Variants in HMSD observed in about 807,000 individuals in gnomAD.
HMSD encodes the protein histocompatibility minor serpin domain containing.
In HMSD, 13 loss-of-function variants were observed where a neutral mutation model predicts 10.0. That is an observed-to-expected ratio of 1.31 (90% CI 0.85 to 2.08). The LOEUF (loss-of-function observed/expected upper bound fraction) is 2.08, where lower values mean the gene tolerates loss of function less well. Among genes scored for constraint, HMSD ranks in the 30% most tolerant of loss-of-function variants. HMSD has a pLI of 0.00. For synonymous variants in HMSD, 51 were observed against 54.2 expected (o/e 0.94, Z 0.26); for missense variants, 169 against 166.3 (o/e 1.02, Z -0.09).
chr18:63,964,089 C>T (rs760395937), downstream of HMSD, among the ~76,000 whole-genome samples: 1 of 152,240 alleles, frequency 6.6e-6, no homozygotes, highest in Non-Finnish European at 1.5e-5. Context: ...TATGGCTTCT[C>T]GTAAGCCAGC....
rs74993098 is a variant in HMSD at position 63,961,121 on chromosome 18, A to G, written c.*766A>G. On this transcript the variant is annotated 3_prime_UTR_variant, in exon 4 of 4. Transcript: ENST00000408945. ...CACACCTCTTTGCACTGCCTTGTGG[A>G]TAGTCCAGTCAAGTGGAGTAAGAGG... The G allele has an allele frequency of 6.9e-3, 1,045 of 152,200 alleles. 32 individuals carry two copies. Among genetic ancestry groups the G allele is most frequent in the Admixed American group, 0.054 (825 of 15,288 alleles). 9.4% of individuals were successfully genotyped at this position (152,200 alleles called of 1,614,324 possible). A position where few individuals can be genotyped will look rare whatever the true frequency, so the allele number is the denominator to read the frequency against.
At chr18:63,964,535 G>C (rs1429955566), downstream of HMSD, among the ~76,000 whole-genome samples, 1 of 152,034 alleles carries the variant, frequency 6.6e-6, no homozygotes, top group Non-Finnish European at 1.5e-5. Flanking sequence ...GTGAGACACT[G>C]ATTCAAAAAA....
downstream of HMSD, among the ~76,000 whole-genome samples, chr18:63,963,083 T>TTC (rs2050394200): frequency 4.5e-3 from 215 of 47,916 alleles, 1 homozygote; most frequent in African/African-American, 0.026. Flanking sequence ...CTTTCTTTCT[T>TTC]TCTTTCTTTC....
chr18:63,964,765 C>T (rs2144766987), downstream of HMSD, among the ~76,000 whole-genome samples: 1 of 152,240 alleles, frequency 6.6e-6, no homozygotes, highest in South Asian at 2.1e-4. Context: ...GAGGGCCCAA[C>T]CCTCCTGACT....
At position 63,954,504 on chromosome 18, in the gene HMSD, GTGCTTAGAAC is replaced by G. The variant is rs1472822001; in HGVS notation, c.173_182del (p.Leu58ProfsTer28). On this transcript the variant is annotated frameshift_variant, in exon 3 of 4. Coordinates refer to ENST00000408945, the MANE Select transcript of HMSD (RefSeq NM_001123366.2). LOFTEE classifies it high-confidence loss of function. The stretch of plus-strand genomic sequence containing the variant: ...AATTAACAGAACTGACACTGAATAT[GTGCTTAGAAC>G]TGCCAACGGGCTCTTTGGAGAAAAG... 6.2e-7 allele frequency: 1 copy of G among 1,613,806 alleles called. No individual in the cohort carries two copies. Among genetic ancestry groups the G allele is most frequent in the Admixed American group, 1.7e-5 (1 of 60,030 alleles).
rs148392781 is a variant in HMSD, at chr18:63,959,135, G to A, written c.223-1023G>A. On this transcript the variant is annotated intron_variant, in intron 3 of 3. Coordinates refer to ENST00000408945, the MANE Select transcript of HMSD (RefSeq NM_001123366.2). ...CAGCTTTCTTGTTTCTACCTTGGCC[G>A]GTTAGGAATAAAGCTGTTATGAATA... Among the ~76,000 whole-genome samples the A allele has an allele frequency of 3.7e-3, 566 of 152,220 alleles. 2 individuals carry two copies. The highest frequency in any genetic ancestry group is 0.013 in the African/African-American group (528 of 41,550).
In HMSD at chr18:63,961,013, CAT is replaced by C. The variant is rs1483260807; in HGVS notation, c.*661_*662del. ...TCTGAAAGGTGGGGAATAATCAGCCCATATGATTCTTCCACTGCAGAGAGAGC... is the reference window on the plus strand; with the variant it reads ...TCTGAAAGGTGGGGAATAATCAGCCCATGATTCTTCCACTGCAGAGAGAGC... On this transcript the variant is annotated 3_prime_UTR_variant, in exon 4 of 4. Transcript: ENST00000408945. The C allele has an allele frequency of 6.6e-6, 1 of 152,354 alleles. No homozygotes were observed. The highest frequency in any genetic ancestry group is 2.4e-5 in the African/African-American group (1 of 41,438). 9.4% of individuals were successfully genotyped at this position (152,354 alleles called of 1,614,324 possible).
chr18:63,958,932 T>C (rs1345550207), intron 3 of HMSD, among the ~76,000 whole-genome samples: 1 of 152,086 alleles, frequency 6.6e-6, no homozygotes, highest in African/African-American at 2.4e-5. Flanking sequence ...GCTGTGTTAA[T>C]CCTCACTCAA....
rs1384875525 is a variant in HMSD at position 63,960,196 on chromosome 18, G to A, written c.261G>A (p.Thr87=). ...CCTGTGGCAAATTCTACCAAGCAAC[G>A]ATAAAACAGCTAGACTTTGTGAATG... ...TDSCGKFYQA[T]IKQLDFVNDT... is the part of the protein sequence containing the mutation. The change falls in exon 4 of 4, where the codon ACG becomes ACA. Residue 87 remains threonine (T), a synonymous_variant. Coordinates refer to ENST00000408945, the MANE Select transcript of HMSD (RefSeq NM_001123366.2). The A allele has an allele frequency of 1.1e-5, 18 of 1,612,518 alleles. No homozygotes were observed. Among genetic ancestry groups the A allele is most frequent in the Admixed American group, 1.7e-5 (1 of 59,750 alleles).
Position 63,960,442 on chromosome 18 carries a change from C to T in HMSD, c.*87C>T, listed in dbSNP as rs1017379946. ...GCCAACTCGTAGACCTTTTCTCTAG[C>T]TTTAGCTTTTCCCTTATCAAGTATC... On this transcript the variant is annotated 3_prime_UTR_variant, in exon 4 of 4. Transcript: ENST00000408945. 3.4e-6 allele frequency: 5 copies of T among 1,473,778 alleles called. No homozygotes were observed. The highest frequency in any genetic ancestry group is 2.5e-5 in the East Asian group (1 of 39,404). The allele number at this position is 1,473,778 out of a possible 1,614,324, so 91.3% of individuals were successfully genotyped here. A position where few individuals can be genotyped will look rare whatever the true frequency, so the allele number is the denominator to read the frequency against.
chr18:63,962,964 C>T (rs1215771526), downstream of HMSD, among the ~76,000 whole-genome samples: 2 of 152,074 alleles, frequency 1.3e-5, no homozygotes, highest in African/African-American at 4.8e-5. Flanking sequence ...CCATGCACAC[C>T]TGATTGGCGT....
At chr18:63,967,594 T>C (rs974754606) in intron 3 of HMSD, among the ~76,000 whole-genome samples, 8 of 152,122 alleles carry the variant, frequency 5.3e-5, no homozygotes, top group African/African-American at 1.9e-4. Flanking sequence ...GAGACTAGCC[T>C]AGGAGTGTGC....
At chr18:63,968,440 T>G (rs1338267111) in intron 3 of HMSD, 1 of 152,224 alleles carries the variant, frequency 6.6e-6, no homozygotes. Context: ...TCATCCACAC[T>G]ATCTGTACCA....
rs2050382028 is a variant in HMSD, at chr18:63,960,733, C to T, written c.*378C>T. The T allele has an allele frequency of 5.8e-6, 1 of 173,008 alleles. No individual in the cohort carries two copies. Among genetic ancestry groups the T allele is most frequent in the Non-Finnish European group, 1.2e-5 (1 of 82,602 alleles). The allele number at this position is 173,008 out of a possible 1,614,324, so 10.7% of individuals were successfully genotyped here. A position where few individuals can be genotyped will look rare whatever the true frequency, so the allele number is the denominator to read the frequency against. The stretch of plus-strand genomic sequence containing the variant: ...AGCTAAAAAGACATTCCATCAACCC[C>T]CTTGCAGCCAGAAAGACCCTGAGCC... On this transcript the variant is annotated 3_prime_UTR_variant, in exon 4 of 4. Coordinates refer to ENST00000408945, the MANE Select transcript of HMSD (RefSeq NM_001123366.2).
rs3744956 is a variant in HMSD at position 63,954,175 on chromosome 18, T to G, written c.73-233T>G. On this transcript the variant is annotated intron_variant, in intron 2 of 3. Transcript: ENST00000408945. ...CAAAAGGCATATCCACTTATACCAA[T>G]ACTTAGATAACATTCGTTTCTTTTA... Among the ~76,000 whole-genome samples, 2,443 of 152,336 alleles carry G rather than the reference T, an allele frequency of 0.016. 127 individuals are homozygous for G. The East Asian group carries it at 0.18, about 11-fold the overall frequency.
chr18:63,959,234 TA>T (rs1278724052), intron 3 of HMSD, among the ~76,000 whole-genome samples: 1 of 152,206 alleles, frequency 6.6e-6, no homozygotes, highest in East Asian at 1.9e-4. Flanking sequence ...TTTTTAGTTT[TA>T]TAAAAAACTT....
At chr18:63,959,273 A>G (rs55700832) in intron 3 of HMSD, among the ~76,000 whole-genome samples, 28,863 of 152,156 alleles carry the variant, frequency 0.19, 3,012 homozygotes, top group Admixed American at 0.3. Context: ...GTGACTATAC[A>G]ATATTGTATT....
Position 63,960,634 on chromosome 18 carries a change from G to T in HMSD, c.*279G>T, listed in dbSNP as rs184674539. ...TGGTTTACAGGCTTGAAATGCAACTGCTGTGATCAGTGATAAGGGAACACA... is the reference window on the plus strand; with the variant it reads ...TGGTTTACAGGCTTGAAATGCAACTTCTGTGATCAGTGATAAGGGAACACA... On this transcript the variant is annotated 3_prime_UTR_variant, in exon 4 of 4. Transcript: ENST00000408945. 8.8e-5 allele frequency: 29 copies of T among 329,610 alleles called. No homozygotes were observed. The highest frequency in any genetic ancestry group is 6.0e-4 in the African/African-American group (27 of 44,774). The allele number at this position is 329,610 out of a possible 1,614,324, so 20.4% of individuals were successfully genotyped here. A position where few individuals can be genotyped will look rare whatever the true frequency, so the allele number is the denominator to read the frequency against.
At chr18:63,953,182 T>C (rs991973480) in intron 1 of HMSD, among the ~76,000 whole-genome samples, 172 bp from the exon 2 acceptor site, 6 of 152,222 alleles carry the variant, frequency 3.9e-5, no homozygotes, top group Admixed American at 2.6e-4. Context: ...TCTCATCAGC[T>C]TGTATGGATT....
Sources: allele counts gnomAD v4.1 joint callset (sites outside exome capture counted in the v4.1 genomes callset), GRCh38; gene constraint gnomAD v4.1.1; transcripts MANE v1.5; gene names NCBI Gene and HGNC (gene_info 2026-07-23, HGNC 2026-07-21).